DLG2: variants seen among roughly 807,000 people sequenced by gnomAD.
The protein encoded by DLG2 is discs large MAGUK scaffold protein 2, also known as disks large homolog 2.
DLG2 carries 45 observed loss-of-function variants against 132.5 expected under a neutral mutation model. The observed-to-expected ratio is 0.34, with a 90% CI of 0.27 to 0.44. DLG2 has a LOEUF of 0.44. DLG2 is among the 20% of genes least tolerant of loss of function. The pLI is 1.00. For synonymous variants in DLG2, 424 were observed against 419.6 expected (o/e 1.01, Z -0.13); for missense variants, 1,045 against 1,196.9 (o/e 0.87, Z 1.87).
intron 21 of DLG2, among the ~76,000 whole-genome samples, chr11:83,494,056 G>A (rs995537151): frequency 9.2e-5 from 14 of 151,946 alleles, no homozygotes; most frequent in African/African-American, 3.4e-4. Context: ...CTGGTTTTAT[G>A]AACTAAAGAG....
chr11:84,779,426 T>C (rs1438644494), intron 6 of DLG2, among the ~76,000 whole-genome samples: 1 of 152,178 alleles, frequency 6.6e-6, no homozygotes, highest in African/African-American at 2.4e-5. Context: ...CCTACAACTT[T>C]ACTAAATTCA....
chr11:83,795,772 T>A (rs1022484903), intron 17 of DLG2, among the ~76,000 whole-genome samples: 1 of 152,200 alleles, frequency 6.6e-6, no homozygotes, highest in Non-Finnish European at 1.5e-5. Flanking sequence ...ATAGAATGAA[T>A]GATATCAGAA....
intron 8 of DLG2, among the ~76,000 whole-genome samples, chr11:84,171,574 T>G (rs1202467349): frequency 1.3e-5 from 2 of 152,208 alleles, no homozygotes; most frequent in Non-Finnish European, 2.9e-5. Flanking sequence ...TATGGCTGAA[T>G]AGTATTCCAT....
chr11:83,912,191 T>C (rs1488276634), intron 15 of DLG2, among the ~76,000 whole-genome samples: 1 of 151,502 alleles, frequency 6.6e-6, no homozygotes, highest in African/African-American at 2.4e-5. Context: ...TGGAGACATA[T>C]GTCAAATGGA....
At chr11:83,689,678 G>C (rs78054862) in intron 18 of DLG2, among the ~76,000 whole-genome samples, 2,659 of 151,752 alleles carry the variant, frequency 0.018, 84 homozygotes, top group African/African-American at 0.062. Context: ...GTCAAAACAA[G>C]ACACCAGACT....
intron 10 of DLG2, among the ~76,000 whole-genome samples, chr11:84,088,400 C>A (rs114378102): frequency 6.6e-6 from 1 of 150,966 alleles, no homozygotes; most frequent in South Asian, 2.1e-4. Context: ...AAAAATCCAA[C>A]GAGTCATGTT....
intron 6 of DLG2, among the ~76,000 whole-genome samples, chr11:84,668,185 A>G (rs926458561): frequency 6.6e-6 from 1 of 152,106 alleles, no homozygotes; most frequent in African/African-American, 2.4e-5. Flanking sequence ...CCCTATCTCC[A>G]GACCCTATTT....
In DLG2 at chr11:83,675,992, G is replaced by C. The variant is rs544696784; in HGVS notation, c.1826-42667C>G. 6.6e-5 allele frequency among the ~76,000 whole-genome samples: 10 copies of C among 152,252 alleles called. No homozygotes were observed. In the South Asian group the frequency reaches 2.1e-3, roughly 32 times the overall value. ...TTGTACATTTCACAAGTTATAGATG[G>C]CTGCTGGATGCTTTTCCAGCATCCT... On this transcript the variant is annotated intron_variant, in intron 18 of 27. Transcript: ENST00000376104.
rs573536093 is a variant in DLG2, at chr11:84,949,079, G to A, written c.357+162582C>T. Among the ~76,000 whole-genome samples, 22 of 152,060 alleles carry A rather than the reference G, an allele frequency of 1.4e-4. 1 individual carries two copies. Among genetic ancestry groups the A allele is most frequent in the South Asian group, 6.2e-4 (3 of 4,822 alleles). On this transcript the variant is annotated intron_variant, in intron 6 of 27. Coordinates refer to ENST00000376104, the MANE Select transcript of DLG2 (RefSeq NM_001142699.3). ...TAGGTTCTTTTCTATTTTCCTAAGCGTCGGCTGGCTTGAGAAATAAAGGGA... is the reference window on the plus strand; with the variant it reads ...TAGGTTCTTTTCTATTTTCCTAAGCATCGGCTGGCTTGAGAAATAAAGGGA...
intron 9 of DLG2, among the ~76,000 whole-genome samples, chr11:84,100,570 G>A (rs1325826963): frequency 6.6e-6 from 1 of 151,724 alleles, no homozygotes; most frequent in East Asian, 1.9e-4. Flanking sequence ...GGCTAGTCAT[G>A]TTTCATCAAG....
intron 6 of DLG2, among the ~76,000 whole-genome samples, chr11:84,871,358 A>G (rs932413839): frequency 1.3e-5 from 2 of 152,206 alleles, no homozygotes; most frequent in Admixed American, 6.5e-5. Context: ...TCCAGAAAGC[A>G]TATGACAGTG....
At chr11:85,375,824 G>A (rs1486192515) in intron 3 of DLG2, among the ~76,000 whole-genome samples, 6 of 152,140 alleles carry the variant, frequency 3.9e-5, no homozygotes, top group Non-Finnish European at 7.4e-5. Flanking sequence ...CAGCAGTTAT[G>A]ACAATACAAT....
chr11:83,776,263 A>G (rs2094580281), intron 18 of DLG2, among the ~76,000 whole-genome samples: 1 of 152,070 alleles, frequency 6.6e-6, no homozygotes, highest in Non-Finnish European at 1.5e-5. Context: ...TTTATCACCT[A>G]CATCCTTCCC....
intron 10 of DLG2, among the ~76,000 whole-genome samples, chr11:84,088,090 C>G (rs190615501): frequency 3.2e-4 from 49 of 152,152 alleles, no homozygotes; most frequent in African/African-American, 1.2e-3. Context: ...TATCTTTTAA[C>G]TTCTTGATAG....
At chr11:85,427,404 G>T (rs909238140) in intron 3 of DLG2, among the ~76,000 whole-genome samples, 1 of 152,126 alleles carries the variant, frequency 6.6e-6, no homozygotes, top group Admixed American at 6.5e-5. Flanking sequence ...CAAAGGGAAG[G>T]CCATCAGACT....
chr11:84,237,792 C>T (rs1352280395), intron 8 of DLG2, among the ~76,000 whole-genome samples: 1 of 152,018 alleles, frequency 6.6e-6, no homozygotes, highest in African/African-American at 2.4e-5. Context: ...AATCCCAGCA[C>T]TTTGGGAGGC....
intron 6 of DLG2, chr11:84,890,698 C>T (rs1566283608): frequency 6.6e-6 from 1 of 152,222 alleles, no homozygotes; most frequent in Non-Finnish European, 1.5e-5. Flanking sequence ...ACCCCTAGCA[C>T]AGTTTCACTG....
intron 7 of DLG2, among the ~76,000 whole-genome samples, chr11:84,453,992 A>G (rs1437602661): frequency 1.3e-5 from 2 of 151,556 alleles, no homozygotes; most frequent in African/African-American, 2.4e-5. Flanking sequence ...CTATTCTGCC[A>G]CAGAGGAGTT....
rs183545883 is a variant in DLG2, at chr11:83,635,893, T to G, written c.1826-2568A>C. Among the ~76,000 whole-genome samples the G allele has an allele frequency of 8.1e-4, 123 of 152,306 alleles. 1 individual carries two copies. Among genetic ancestry groups the G allele is most frequent in the African/African-American group, 2.9e-3 (121 of 41,578 alleles). On this transcript the variant is annotated intron_variant, in intron 18 of 27. Transcript: ENST00000376104. ...AGCAGAGCACCAGAAGTGGGACTAC[T>G]GGTCAAACCTTTGCACAAAAATCAT... is the stretch of plus-strand genomic sequence containing the variant.
Sources: allele counts gnomAD v4.1 joint callset (sites outside exome capture counted in the v4.1 genomes callset), GRCh38; gene constraint gnomAD v4.1.1; transcripts MANE v1.5; gene names NCBI Gene and HGNC (gene_info 2026-07-23, HGNC 2026-07-21).